The following HCN1 variants were observed in gnomAD, a reference collection of about 807,000 sequenced individuals.
HCN1 encodes potassium/sodium hyperpolarization-activated cyclic nucleotide-gated channel 1.
Under a neutral mutation model 78.9 loss-of-function variants are expected in HCN1, and 13 were observed. That is an observed-to-expected ratio of 0.16 (90% confidence interval 0.11 to 0.26). The LOEUF (loss-of-function observed/expected upper bound fraction) is 0.26. Ranked by LOEUF, HCN1 falls within the 10% of genes least tolerant of loss-of-function variation. The probability of loss-of-function intolerance (pLI) is 1.00; values close to 1 mark genes in which losing one functional copy is unlikely to be tolerated. For missense variants in HCN1, 810 were observed against 1,154.3 expected, an observed-to-expected ratio of 0.70 and a Z score of 4.32; for synonymous variants, 552 against 455.5, an observed-to-expected ratio of 1.21 and a Z score of -2.70.
chr5:45,531,759 G>C (rs1349368618), intron 2 of HCN1, among the ~76,000 whole-genome samples: 1 of 151,988 alleles, frequency 6.6e-6, no homozygotes, highest in African/African-American at 2.4e-5. Context: ...CATCTCTGAG[G>C]CTTGGCACGG....
At chr5:45,458,903 T>C (rs1244703677) in intron 3 of HCN1, among the ~76,000 whole-genome samples, 1 of 152,126 alleles carries the variant, frequency 6.6e-6, no homozygotes, top group Non-Finnish European at 1.5e-5. Context: ...GTGCTTTTGT[T>C]CTCATATTGG....
chr5:45,284,189 G>A (rs1369346774), intron 6 of HCN1, among the ~76,000 whole-genome samples: 3 of 152,062 alleles, frequency 2.0e-5, no homozygotes, highest in Non-Finnish European at 4.4e-5. Flanking sequence ...TGGGTATTAG[G>A]CTTGGTACCT....
At chr5:45,649,084 C>T (rs1745627875) in intron 1 of HCN1, among the ~76,000 whole-genome samples, 1 of 151,904 alleles carries the variant, frequency 6.6e-6, no homozygotes, top group Admixed American at 6.6e-5. Flanking sequence ...TGCCCTCATG[C>T]CTACCTGGGT....
chr5:45,315,525 A>C (rs1327695036), intron 5 of HCN1, among the ~76,000 whole-genome samples: 1 of 152,184 alleles, frequency 6.6e-6, no homozygotes, highest in African/African-American at 2.4e-5. Flanking sequence ...AAGAGCAAAC[A>C]CATTCAAAAG....
At chr5:45,388,889 C>T (rs770596845) in intron 4 of HCN1, among the ~76,000 whole-genome samples, 1 of 152,016 alleles carries the variant, frequency 6.6e-6, no homozygotes, top group African/African-American at 2.4e-5. Context: ...TTAATATGTC[C>T]ACCCGCTAAA....
chr5:45,443,533 G>A (rs543807565), intron 3 of HCN1, among the ~76,000 whole-genome samples: 13 of 152,038 alleles, frequency 8.6e-5, no homozygotes, highest in South Asian at 6.2e-4. Context: ...AAAAAGATGC[G>A]TTAACTCATC....
At chr5:45,379,591 A>G (rs1747763061) in intron 4 of HCN1, among the ~76,000 whole-genome samples, 1 of 152,114 alleles carries the variant, frequency 6.6e-6, no homozygotes, top group Non-Finnish European at 1.5e-5. Flanking sequence ...ATTTTTATGA[A>G]TGTATTATGA....
chr5:45,262,552 G>A lies in HCN1; in HGVS notation c.2042C>T (p.Pro681Leu). The A allele has an allele frequency of 6.2e-7, 1 of 1,613,914 alleles. No homozygotes were observed. Among genetic ancestry groups the A allele is most frequent in the African/African-American group, 1.3e-5 (1 of 74,972 alleles). ...CTGGGGGGTCTGTGTGCTGGGACTG[G>A]GGGAGTGCAGGTTGCTGTGAGACAG... is the stretch of plus-strand genomic sequence containing the variant. ...TSLSHSNLHS[P>L]SPSTQTPQPS... is the part of the protein sequence containing the mutation. The change falls in exon 8 of 8, where the codon CCC becomes CTC. Residue 681 changes from proline to leucine, a missense_variant. Physicochemically the swap from Pro to Leu is moderately conservative, Grantham distance 98. Transcript: ENST00000303230.
At chr5:45,318,145 G>GCAAA (rs1353064514) in intron 5 of HCN1, among the ~76,000 whole-genome samples, 2 of 152,114 alleles carry the variant, frequency 1.3e-5, no homozygotes, top group Non-Finnish European at 2.9e-5. Context: ...ATTCACAATA[G>GCAAA]CAAAGACTTG....
chr5:45,325,350 A>G (rs1002477501), intron 5 of HCN1, among the ~76,000 whole-genome samples: 2 of 151,770 alleles, frequency 1.3e-5, no homozygotes, highest in Non-Finnish European at 2.9e-5. Context: ...CAAGTCTCCT[A>G]GATTAACAAG....
At chr5:45,291,157 A>G (rs1745364899) in intron 6 of HCN1, among the ~76,000 whole-genome samples, 1 of 151,894 alleles carries the variant, frequency 6.6e-6, no homozygotes, top group South Asian at 2.1e-4. Flanking sequence ...CTCTATACAG[A>G]TCATTTCTTC....
At chr5:45,481,306 G>A (rs1741646357) in intron 2 of HCN1, among the ~76,000 whole-genome samples, 1 of 152,210 alleles carries the variant, frequency 6.6e-6, no homozygotes, top group Non-Finnish European at 1.5e-5. Context: ...TCAGGAAACA[G>A]AGATTTAAAG....
chr5:45,464,265 T>C (rs1477249665), intron 2 of HCN1, among the ~76,000 whole-genome samples: 3 of 152,088 alleles, frequency 2.0e-5, no homozygotes, highest in Non-Finnish European at 2.9e-5. Context: ...ATAACATCAA[T>C]GATAACACTT....
intron 2 of HCN1, among the ~76,000 whole-genome samples, chr5:45,633,304 A>G: frequency 6.7e-6 from 1 of 150,364 alleles, no homozygotes; most frequent in South Asian, 2.1e-4. Flanking sequence ...ATTATTTTAA[A>G]TATTTTTTTT....
intron 2 of HCN1, among the ~76,000 whole-genome samples, chr5:45,481,800 A>G (rs1188052650): frequency 1.3e-5 from 2 of 152,140 alleles, no homozygotes; most frequent in African/African-American, 4.8e-5. Context: ...TCAAAGGAAC[A>G]TAGCTTTGAA....
chr5:45,618,495 A>G (rs1054398126), intron 2 of HCN1, among the ~76,000 whole-genome samples: 10 of 152,154 alleles, frequency 6.6e-5, no homozygotes, highest in Admixed American at 4.6e-4. Flanking sequence ...ACAGAGAAGT[A>G]GCATAGCAAG....
intron 6 of HCN1, among the ~76,000 whole-genome samples, chr5:45,276,429 G>T (rs943898061): frequency 6.6e-6 from 1 of 152,078 alleles, no homozygotes; most frequent in Non-Finnish European, 1.5e-5. Flanking sequence ...TGCAATTCTA[G>T]CAAGGGATAA....
At chr5:45,386,263 C>T (rs777544588) in intron 4 of HCN1, among the ~76,000 whole-genome samples, 7 of 150,878 alleles carry the variant, frequency 4.6e-5, no homozygotes, top group Admixed American at 1.3e-4. Context: ...GCAGCCTCAA[C>T]CTCCCCAGCT....
chr5:45,255,418 G>A lies in HCN1; in HGVS notation c.*6503C>T, dbSNP rs998296698. The A allele has an allele frequency of 5.9e-5, 9 of 152,074 alleles. No homozygotes were observed. The highest frequency in any genetic ancestry group is 1.9e-4 in the African/African-American group (8 of 41,378). 9.4% of individuals were successfully genotyped at this position (152,074 alleles called of 1,614,324 possible). A position where few individuals can be genotyped will look rare whatever the true frequency, so the allele number is the denominator to read the frequency against. On this transcript the variant is annotated 3_prime_UTR_variant, in exon 8 of 8. Transcript: ENST00000303230. ...TATTAATACACATATGAATCATCTGGGGATCTTGCCCAAAAGCGGACTTCT... is the reference window on the plus strand; with the variant it reads ...TATTAATACACATATGAATCATCTGAGGATCTTGCCCAAAAGCGGACTTCT...
Sources: gnomAD v4.1 joint callset for allele counts (sites outside exome capture counted in the v4.1 genomes callset) on GRCh38, gnomAD v4.1.1 for gene constraint, MANE v1.5 for transcripts, NCBI Gene and HGNC (gene_info 2026-07-23, HGNC 2026-07-21) for gene names.